BDH1: variants seen among roughly 807,000 people sequenced by gnomAD.
BDH1 encodes 3-hydroxybutyrate dehydrogenase 1.
In BDH1, 30 loss-of-function variants were observed where a neutral mutation model predicts 33.1. That is an observed-to-expected ratio of 0.91 (90% confidence interval 0.68 to 1.23). The LOEUF is 1.23. Among genes scored for constraint, BDH1 ranks in the 50% most tolerant of loss-of-function variants. The pLI is 0.00. For synonymous variants in BDH1, 190 were observed against 183.6 expected (o/e 1.03, Z -0.28); for missense variants, 443 against 464.4 (o/e 0.95, Z 0.42).
intron 1 of BDH1, among the ~76,000 whole-genome samples, chr3:197,561,480 T>C (rs145067424): frequency 5.3e-5 from 8 of 151,970 alleles, no homozygotes; most frequent in African/African-American, 1.9e-4. Flanking sequence ...AGTTTTTTCC[T>C]GCTTTTAGGA....
At position 197,525,451 on chromosome 3, in the gene BDH1, C is replaced by A. The variant is rs1713994153; in HGVS notation, c.268-2670G>T. On this transcript the variant is annotated intron_variant, in intron 5 of 7. Coordinates refer to ENST00000392379, the MANE Select transcript of BDH1 (RefSeq NM_203314.3). This position sits in a 1 kb window ranked among gnomAD's most constrained non-coding sequence, Gnocchi z 4.9. ...ACACAGCATCACGACAAGGTCCCTG[C>A]AGTCCTCAGGGGAAACCCCCGACTC... is the stretch of plus-strand genomic sequence containing the variant. Among the ~76,000 whole-genome samples the A allele has an allele frequency of 6.6e-6, 1 of 152,212 alleles. No individual in the cohort carries two copies. Among genetic ancestry groups the A allele is most frequent in the East Asian group, 1.9e-4 (1 of 5,190 alleles).
In BDH1 at chr3:197,525,970, T is replaced by A. The variant is rs949377173; in HGVS notation, c.268-3189A>T. Among the ~76,000 whole-genome samples, 10 of 152,186 alleles carry A rather than the reference T, an allele frequency of 6.6e-5. No homozygotes were observed. The highest frequency in any genetic ancestry group is 2.4e-4 in the African/African-American group (10 of 41,442). ...TCTGTCTGGCTGCTCAGGGACAAGC[T>A]TTTAGTTCCGCTGTGTTGGTGCGTG... On this transcript the variant is annotated intron_variant, in intron 5 of 7. Transcript: ENST00000392379. This position sits in a 1 kb window ranked among gnomAD's most constrained non-coding sequence, Gnocchi z 4.9.
rs115296714 is a variant in BDH1, at chr3:197,546,430, C to T, written c.14G>A (p.Arg5His). Residue 5 changes from arginine (R) to histidine (H), a missense_variant, in exon 3 of 8, where the codon CGC becomes CAC. Coordinates refer to ENST00000392379, the MANE Select transcript of BDH1 (RefSeq NM_203314.3). MLAT[R>H]LSRPLSRLPG... ...GAGCCGTGACAGGGGTCTGGAGAGG[C>T]GGGTGGCCAGCATGGTAGCAACGGG... is the stretch of plus-strand genomic sequence containing the variant. 1.4e-5 allele frequency: 22 copies of T among 1,614,074 alleles called. No individual in the cohort carries two copies. In the African/African-American group the frequency reaches 2.5e-4, roughly 19 times the overall value.
intron 1 of BDH1, among the ~76,000 whole-genome samples, chr3:197,565,717 G>A (rs1043375656): frequency 9.9e-5 from 15 of 152,174 alleles, no homozygotes; most frequent in African/African-American, 3.4e-4. Context: ...GTCTTTGACT[G>A]TGGCTGCCTT....
chr3:197,555,041 C>T (rs919338309), intron 1 of BDH1, among the ~76,000 whole-genome samples: 18 of 152,248 alleles, frequency 1.2e-4, no homozygotes, highest in Admixed American at 1.1e-3. Context: ...GCCAAAGCCC[C>T]CTTGTCCTCG....
chr3:197,536,196 G>T (rs1027608698), intron 3 of BDH1, among the ~76,000 whole-genome samples: 20 of 152,110 alleles, frequency 1.3e-4, no homozygotes, highest in Admixed American at 2.6e-4. Flanking sequence ...CTATTGAATT[G>T]CTTTTGCACT....
In BDH1 at chr3:197,513,224, G is replaced by T. The variant is rs531864747; in HGVS notation, c.563-860C>A. 6.6e-5 allele frequency among the ~76,000 whole-genome samples: 10 copies of T among 152,382 alleles called. 1 individual carries two copies. The South Asian group carries it at 2.1e-3, about 32-fold the overall frequency. On this transcript the variant is annotated intron_variant, in intron 7 of 7. Coordinates refer to ENST00000392379, the MANE Select transcript of BDH1 (RefSeq NM_203314.3). ...TCCTCCTGGCCCTGGGAACAGAGGG[G>T]TTGGAAGTGGATTGCATTTGGCCCA...
chr3:197,551,984 A>C (rs1716612341), intron 2 of BDH1, among the ~76,000 whole-genome samples: 1 of 152,164 alleles, frequency 6.6e-6, no homozygotes, highest in African/African-American at 2.4e-5. Context: ...CATGACGAGC[A>C]CTCATAGCTT....
At chr3:197,512,437 C>T (rs1379106313) in intron 7 of BDH1, 73 bp from the exon 8 acceptor site, 21 of 1,475,208 alleles carry the variant, frequency 1.4e-5, no homozygotes, top group Non-Finnish European at 1.9e-5. Context: ...TCTGGCATGT[C>T]TCTAGAGGCT....
chr3:197,518,803 C>A (rs1297123776), intron 6 of BDH1, among the ~76,000 whole-genome samples: 2 of 41,308 alleles, frequency 4.8e-5, no homozygotes, highest in Non-Finnish European at 8.9e-5. Context: ...GCCGACCCCC[C>A]CCATCAGTCA....
At chr3:197,572,945 A>G (rs1301887921) in intron 1 of BDH1, among the ~76,000 whole-genome samples, 1 of 152,190 alleles carries the variant, frequency 6.6e-6, no homozygotes, top group Non-Finnish European at 1.5e-5. Flanking sequence ...CAATGAATAC[A>G]TATTACTTTT....
intron 6 of BDH1, among the ~76,000 whole-genome samples, chr3:197,517,200 C>A (rs1258805081): frequency 6.6e-6 from 1 of 151,726 alleles, no homozygotes; most frequent in Non-Finnish European, 1.5e-5. Context: ...CTCAGGCAGA[C>A]CCATCAGTCA....
intron 3 of BDH1, chr3:197,543,174 C>A (rs779948252): frequency 1.0e-6 from 1 of 985,266 alleles, no homozygotes; most frequent in Non-Finnish European, 1.2e-6. Context: ...TCTAACAAGA[C>A]GGGGCTTAGG....
Position 197,526,375 on chromosome 3 carries a change from A to T in BDH1, c.268-3594T>A, listed in dbSNP as rs1714097931. ...TCCAAGGTTGGATCCGGGGCAGCAA[A>T]TTAGGGGCAAGACTGTAGTCGTCTG... On this transcript the variant is annotated intron_variant, in intron 5 of 7. Transcript: ENST00000392379. The surrounding 1 kb of genome is among the most constrained non-coding windows in gnomAD (Gnocchi z 4.7). Among the ~76,000 whole-genome samples the T allele has an allele frequency of 6.6e-6, 1 of 152,108 alleles. No homozygotes were observed. Among genetic ancestry groups the T allele is most frequent in the Non-Finnish European group, 1.5e-5 (1 of 68,016 alleles).
chr3:197,565,189 T>G (rs1179816436), intron 1 of BDH1, among the ~76,000 whole-genome samples: 1 of 152,240 alleles, frequency 6.6e-6, no homozygotes, highest in Non-Finnish European at 1.5e-5. Flanking sequence ...CCCAAAGTGC[T>G]GGGATTACAG....
chr3:197,515,601 C>G, intron 6 of BDH1: 1 of 985,582 alleles, frequency 1.0e-6, no homozygotes, highest in Non-Finnish European at 1.2e-6. Context: ...CCCTTCAGTT[C>G]TATACACATT....
chr3:197,559,965 C>A (rs1299013977), upstream of BDH1, among the ~76,000 whole-genome samples: 1 of 152,218 alleles, frequency 6.6e-6, no homozygotes, highest in Non-Finnish European at 1.5e-5. Context: ...TCTCTCCCTC[C>A]CCCTACTGTA....
upstream of BDH1, among the ~76,000 whole-genome samples, chr3:197,557,420 A>C (rs956212289): frequency 6.6e-6 from 1 of 152,246 alleles, no homozygotes; most frequent in African/African-American, 2.4e-5. The surrounding 1 kb of genome is among the most constrained non-coding windows in gnomAD (Gnocchi z 4.6). Context: ...TGAAAACAGG[A>C]GGAGGGAAGT....
chr3:197,527,048 T>C (rs1714167225), intron 5 of BDH1, among the ~76,000 whole-genome samples: 1 of 152,236 alleles, frequency 6.6e-6, no homozygotes, highest in African/African-American at 2.4e-5. Flanking sequence ...AATGAGCTGA[T>C]TCTGGCAGAA....
Sources: gnomAD v4.1 joint callset for allele counts (sites outside exome capture counted in the v4.1 genomes callset) on GRCh38, gnomAD v4.1.1 for gene constraint, Gnocchi (gnomAD v3.1) non-coding constraint, MANE v1.5 for transcripts, NCBI Gene and HGNC (gene_info 2026-07-23, HGNC 2026-07-21) for gene names.